The following RNF24 variants were observed in gnomAD, a reference collection of about 807,000 sequenced individuals.
The protein encoded by RNF24 is ring finger protein 24.
A neutral mutation model predicts 20.0 loss-of-function variants in RNF24; 14 were observed. The ratio of observed to expected loss-of-function variants is 0.70; its 90% CI spans 0.46 to 1.10. RNF24 has a LOEUF of 1.10. Ranked by LOEUF, RNF24 falls within the 50% of genes least tolerant of loss-of-function variation. The probability of loss-of-function intolerance (pLI) is 0.00; values close to 1 mark genes in which losing one functional copy is unlikely to be tolerated. For missense variants in RNF24, 124 were observed against 177.6 expected (o/e 0.70, Z 1.71); for synonymous variants, 45 against 61.1 (o/e 0.74, Z 1.23).
In RNF24 at chr20:3,945,198, T is replaced by C; in HGVS notation, c.207A>G (p.Val69=). The change falls in exon 4 of 6, where the codon GTA becomes GTG. Residue 69 remains valine (V), a synonymous_variant. Coordinates refer to ENST00000358395, the MANE Select transcript of RNF24 (RefSeq NM_001134337.3). ...TTACCTCATGTAAATTCAATTCTTT[T>C]ACTTTCTCTTTTAATATAACCTGTA... is the stretch of plus-strand genomic sequence containing the variant. ...AYKQVILKEK[V]KELNLHELCA... 6.3e-7 allele frequency: 1 copy of C among 1,598,022 alleles called. No homozygotes were observed.
At chr20:3,977,818 T>G (rs1457632915) in intron 1 of RNF24, among the ~76,000 whole-genome samples, 2 of 142,658 alleles carry the variant, frequency 1.4e-5, no homozygotes, top group Non-Finnish European at 3.0e-5. Flanking sequence ...GAGCAGAGAT[T>G]GCGCCACTGC....
chr20:3,998,216 G>A (rs912362020), intron 1 of RNF24, among the ~76,000 whole-genome samples: 2 of 152,082 alleles, frequency 1.3e-5, no homozygotes, highest in Non-Finnish European at 2.9e-5. Flanking sequence ...CAAGGCGGGC[G>A]GATCACAAGG....
intron 4 of RNF24, among the ~76,000 whole-genome samples, chr20:3,941,312 T>C (rs997759173): frequency 2.0e-5 from 3 of 152,144 alleles, no homozygotes; most frequent in African/African-American, 2.4e-5. Context: ...GGAAAAGACA[T>C]ATAATGATGG....
intron 1 of RNF24, among the ~76,000 whole-genome samples, chr20:3,999,615 G>A (rs996506553): frequency 1.3e-5 from 2 of 152,142 alleles, no homozygotes; most frequent in Admixed American, 6.5e-5. Flanking sequence ...TTAGCTGGGC[G>A]TGGTGGCGCA....
chr20:3,952,582 G>GTTT (rs60466405), intron 2 of RNF24, among the ~76,000 whole-genome samples: 6 of 135,672 alleles, frequency 4.4e-5, no homozygotes, highest in African/African-American at 1.6e-4. Context: ...CTTTTTTCCC[G>GTTT]TTTTTTTTTT....
chr20:3,986,311 G>C (rs1039021739), intron 1 of RNF24, among the ~76,000 whole-genome samples: 1 of 151,856 alleles, frequency 6.6e-6, no homozygotes, highest in African/African-American at 2.4e-5. Context: ...GGGTGCAGTA[G>C]TGCAATCATA....
In RNF24 at chr20:3,988,502, C is replaced by T. The variant is rs560795819; in HGVS notation, c.-7-24478G>A. On this transcript the variant is annotated intron_variant, in intron 1 of 5. Coordinates refer to ENST00000358395, the MANE Select transcript of RNF24 (RefSeq NM_001134337.3). ...TGAGACATGGTCTTGCTCTGTAGCC[C>T]AGGTTGGAATGCAGAGGTGCAATCA... Among the ~76,000 whole-genome samples, 150 of 144,026 alleles carry T rather than the reference C, an allele frequency of 1.0e-3. 1 individual carries two copies. Among genetic ancestry groups the T allele is most frequent in the Non-Finnish European group, 1.3e-3 (85 of 66,956 alleles). The allele number at this position is 144,026 out of a possible 152,430, so 94.5% of individuals were successfully genotyped here.
chr20:3,927,419 T>C lies in RNF24; in HGVS notation c.*6644A>G, dbSNP rs964298447. 3 of 152,200 alleles carry C rather than the reference T, an allele frequency of 2.0e-5. No homozygotes were observed. Among genetic ancestry groups the C allele is most frequent in the African/African-American group, 4.8e-5 (2 of 41,450 alleles). 9.4% of individuals were successfully genotyped at this position (152,200 alleles called of 1,614,324 possible). On this transcript the variant is annotated 3_prime_UTR_variant, in exon 6 of 6. Coordinates refer to ENST00000358395, the MANE Select transcript of RNF24 (RefSeq NM_001134337.3). ...AAAATTTTAAAATAGCAATTAAATA[T>C]ACAAAAATATAGCTTACAAAAAACT... is the stretch of plus-strand genomic sequence containing the variant.
chr20:3,931,145 G>C lies in RNF24; in HGVS notation c.*2918C>G, dbSNP rs191944254. ...GCAACTACTAATGGTTCAGCCACCC[G>C]TGGAGTCCAGTTGGGGCTGAGTTAT... On this transcript the variant is annotated 3_prime_UTR_variant, in exon 6 of 6. Transcript: ENST00000358395. The C allele has an allele frequency of 6.6e-6, 1 of 152,190 alleles. No individual in the cohort carries two copies. The highest frequency in any genetic ancestry group is 2.4e-5 in the African/African-American group (1 of 41,430). 9.4% of individuals were successfully genotyped at this position (152,190 alleles called of 1,614,324 possible). A position where few individuals can be genotyped will look rare whatever the true frequency, so the allele number is the denominator to read the frequency against.
chr20:3,963,907 G>C lies in RNF24; in HGVS notation c.111C>G (p.Ile37Met). The change falls in exon 2 of 6, where the codon ATC (isoleucine) becomes ATG (methionine). Residue 37 changes from isoleucine (I) to methionine (M), a missense_variant. Ile to Met is a conservative substitution (Grantham distance 10). Coordinates refer to ENST00000358395, the MANE Select transcript of RNF24 (RefSeq NM_001134337.3). ...VVFGTAIFVF[I>M]LSLLFCCYLI... ...AGTAGCAACAGAAGAGTAAACTAAG[G>C]ATGAAGACAAATATAGCAGTACCAA... 1 of 1,600,844 alleles carries C rather than the reference G, an allele frequency of 6.2e-7. No individual in the cohort carries two copies. Among genetic ancestry groups the C allele is most frequent in the East Asian group, 2.3e-5 (1 of 44,228 alleles).
chr20:4,005,252 G>T (rs1330274425), intron 1 of RNF24, among the ~76,000 whole-genome samples: 1 of 152,068 alleles, frequency 6.6e-6, no homozygotes, highest in African/African-American at 2.4e-5. Context: ...AAAGCTACTG[G>T]CATAAAAGCT....
At chr20:4,008,989 G>C (rs1982210405) in intron 1 of RNF24, among the ~76,000 whole-genome samples, 1 of 152,184 alleles carries the variant, frequency 6.6e-6, no homozygotes, top group Non-Finnish European at 1.5e-5. Flanking sequence ...GGATTCTCTT[G>C]TTAGAAATTT....
intron 1 of RNF24, among the ~76,000 whole-genome samples, chr20:4,012,145 G>C (rs1003517990): frequency 2.6e-5 from 4 of 152,076 alleles, no homozygotes; most frequent in Non-Finnish European, 5.9e-5. Context: ...GGGCGCGGTG[G>C]CTCACACCTA....
In RNF24 at chr20:3,932,637, G is replaced by A; in HGVS notation, c.*1426C>T. On this transcript the variant is annotated 3_prime_UTR_variant, in exon 6 of 6. Transcript: ENST00000358395. ...CTCCATCCATTCTCCATGTCACGCAGACTGTATTCCTAATGAAAAACTTCC... is the reference window on the plus strand; with the variant it reads ...CTCCATCCATTCTCCATGTCACGCAAACTGTATTCCTAATGAAAAACTTCC... The A allele has an allele frequency of 3.2e-6, 1 of 316,016 alleles. No homozygotes were observed. The highest frequency in any genetic ancestry group is 5.7e-6 in the Non-Finnish European group (1 of 174,760). The allele number at this position is 316,016 out of a possible 1,614,324, so 19.6% of individuals were successfully genotyped here. A position where few individuals can be genotyped will look rare whatever the true frequency, so the allele number is the denominator to read the frequency against.
intron 1 of RNF24, among the ~76,000 whole-genome samples, chr20:3,981,830 T>A (rs554271650): frequency 6.6e-6 from 1 of 152,274 alleles, no homozygotes; most frequent in African/African-American, 2.4e-5. Flanking sequence ...TTTAAAATAT[T>A]CTATTGGGCC....
chr20:3,937,746 A>G (rs115689114), intron 4 of RNF24, among the ~76,000 whole-genome samples: 2 of 152,296 alleles, frequency 1.3e-5, no homozygotes, highest in African/African-American at 4.8e-5. Context: ...CCCTTAGCAT[A>G]ATGTCTTCAA....
At position 3,948,178 on chromosome 20, in the gene RNF24, G is replaced by A. The variant is rs982070294; in HGVS notation, c.186+59C>T. ...GTTTAACGTATGAGTGGAAATCAGA[G>A]TTCTCAGTTTTTTGGGGGGAAAAAA... On this transcript the variant is annotated intron_variant, in intron 3 of 5. Coordinates refer to ENST00000358395, the MANE Select transcript of RNF24 (RefSeq NM_001134337.3). 2.4e-6 allele frequency: 3 copies of A among 1,242,164 alleles called. No individual in the cohort carries two copies. In the South Asian group the frequency reaches 3.9e-5, roughly 16 times the overall value. The allele number at this position is 1,242,164 out of a possible 1,614,324, so 76.9% of individuals were successfully genotyped here. A position where few individuals can be genotyped will look rare whatever the true frequency, so the allele number is the denominator to read the frequency against.
chr20:4,006,146 G>A (rs1369774799), intron 1 of RNF24, among the ~76,000 whole-genome samples: 1 of 152,176 alleles, frequency 6.6e-6, no homozygotes, highest in Admixed American at 6.5e-5. Flanking sequence ...GGAGGCTGAG[G>A]CGGGTAGAAC....
At chr20:3,949,667 G>C (rs1025934848) in intron 2 of RNF24, among the ~76,000 whole-genome samples, 1 of 152,094 alleles carries the variant, frequency 6.6e-6, no homozygotes, top group Non-Finnish European at 1.5e-5. Context: ...CTGGGTGACG[G>C]AGTGAGATCC....
Sources: gnomAD v4.1 joint callset for allele counts (sites outside exome capture counted in the v4.1 genomes callset) on GRCh38, gnomAD v4.1.1 for gene constraint, MANE v1.5 for transcripts, NCBI Gene and HGNC (gene_info 2026-07-23, HGNC 2026-07-21) for gene names.